RAP1B: variants seen among roughly 807,000 people sequenced by gnomAD.
RAP1B encodes ras-related protein Rap-1b.
A neutral mutation model predicts 27.5 loss-of-function variants in RAP1B; 1 was observed. The observed-to-expected ratio is 0.04, with a 90% CI of 0.01 to 0.17. The LOEUF is 0.17. Among genes scored for constraint, RAP1B ranks in the 10% least tolerant of loss-of-function variants. RAP1B has a pLI of 1.00. For missense variants in RAP1B, 84 were observed against 214.8 expected (o/e 0.39, Z 3.81); for synonymous variants, 75 against 73.1 (o/e 1.03, Z -0.13).
At chr12:68,618,862 T>C (rs531035464) in intron 1 of RAP1B, among the ~76,000 whole-genome samples, 101 of 152,276 alleles carry the variant, frequency 6.6e-4, no homozygotes, top group South Asian at 1.4e-3. Context: ...CTTAAAACAC[T>C]GGCGAGGCCA....
intron 1 of RAP1B, among the ~76,000 whole-genome samples, chr12:68,626,089 G>C (rs949379026): frequency 2.6e-5 from 4 of 152,148 alleles, no homozygotes; most frequent in Admixed American, 1.3e-4. Context: ...TCGGCCTTGT[G>C]TTGAAACAGA....
chr12:68,633,730 C>T (rs1366636709), intron 1 of RAP1B, among the ~76,000 whole-genome samples: 1 of 152,036 alleles, frequency 6.6e-6, no homozygotes, highest in African/African-American at 2.4e-5. Flanking sequence ...ATTAGCCAGG[C>T]ATGGTGGCGT....
chr12:68,650,696 T>G lies in RAP1B; in HGVS notation c.126+228T>G, dbSNP rs7304966. On this transcript the variant is annotated intron_variant, in intron 3 of 7. Coordinates refer to ENST00000250559, the MANE Select transcript of RAP1B (RefSeq NM_001010942.3). Reference sequence around the variant, plus strand: ...TTTTTTGTAATTTGACACATAAACTTTAAAGCAGACCATCCATTTCAAGTA... The same window carrying G: ...TTTTTTGTAATTTGACACATAAACTGTAAAGCAGACCATCCATTTCAAGTA... 8,842 of 285,756 alleles carry G rather than the reference T, an allele frequency of 0.031. 738 individuals are homozygous for G. Among genetic ancestry groups the G allele is most frequent in the African/African-American group, 0.18 (8,206 of 45,154 alleles). The allele number at this position is 285,756 out of a possible 1,614,324, so 17.7% of individuals were successfully genotyped here. A position where few individuals can be genotyped will look rare whatever the true frequency, so the allele number is the denominator to read the frequency against.
At chr12:68,641,101 C>G (rs1872966190) in intron 1 of RAP1B, 2 of 152,216 alleles carry the variant, frequency 1.3e-5, no homozygotes, top group Non-Finnish European at 2.9e-5. Flanking sequence ...AGCCTCGACT[C>G]CTGGGCTCGA....
chr12:68,617,519 T>C (rs1871110381), intron 1 of RAP1B, among the ~76,000 whole-genome samples: 1 of 152,200 alleles, frequency 6.6e-6, no homozygotes, highest in Admixed American at 6.5e-5. Context: ...ATTGGCTGAG[T>C]TCAAATATGT....
Position 68,621,132 on chromosome 12 carries a change from G to A in RAP1B, c.-27+10089G>A, listed in dbSNP as rs77302758. On this transcript the variant is annotated intron_variant, in intron 1 of 7. Coordinates refer to ENST00000250559, the MANE Select transcript of RAP1B (RefSeq NM_001010942.3). ...AAAAAGGTTTAGGGAAGGAATACATGTGAAAATGCTAACTTCAGGGTAGCT... is the reference window on the plus strand; with the variant it reads ...AAAAAGGTTTAGGGAAGGAATACATATGAAAATGCTAACTTCAGGGTAGCT... 1.3e-3 allele frequency among the ~76,000 whole-genome samples: 199 copies of A among 152,298 alleles called. 1 individual carries two copies. Among genetic ancestry groups the A allele is most frequent in the Middle Eastern group, 0.01 (3 of 294 alleles).
At chr12:68,634,384 C>G (rs1872484791) in intron 1 of RAP1B, among the ~76,000 whole-genome samples, 1 of 152,152 alleles carries the variant, frequency 6.6e-6, no homozygotes, top group Non-Finnish European at 1.5e-5. Flanking sequence ...CTGATTCCAA[C>G]CCAGACAATG....
rs1874563043 is a variant in RAP1B at position 68,660,956 on chromosome 12, A to G, written c.*1707A>G. 1 of 152,174 alleles carries G rather than the reference A, an allele frequency of 6.6e-6. No homozygotes were observed. The highest frequency in any genetic ancestry group is 1.5e-5 in the Non-Finnish European group (1 of 68,020). The allele number at this position is 152,174 out of a possible 1,614,324, so 9.4% of individuals were successfully genotyped here. A position where few individuals can be genotyped will look rare whatever the true frequency, so the allele number is the denominator to read the frequency against. On this transcript the variant is annotated 3_prime_UTR_variant, in exon 8 of 8. Coordinates refer to ENST00000250559, the MANE Select transcript of RAP1B (RefSeq NM_001010942.3). ...TGGATTAAGCACTTAGAGAATCGAT[A>G]TTTTTCTTAAATATGCTATAATTGA...
At position 68,663,509 on chromosome 12, in the gene RAP1B, CAG is replaced by C. The variant is rs1874717218; in HGVS notation, c.*4262_*4263del. On this transcript the variant is annotated 3_prime_UTR_variant, in exon 8 of 8. Coordinates refer to ENST00000250559, the MANE Select transcript of RAP1B (RefSeq NM_001010942.3). The stretch of plus-strand genomic sequence containing the variant: ...TACCTGTTGAAACAAGACTACTAAA[CAG>C]ATTAATCAACTAATTCCATAGGCTT... The C allele has an allele frequency of 6.6e-6, 1 of 152,182 alleles. No homozygotes were observed. Among genetic ancestry groups the C allele is most frequent in the Non-Finnish European group, 1.5e-5 (1 of 68,032 alleles). 9.4% of individuals were successfully genotyped at this position (152,182 alleles called of 1,614,324 possible).
rs1874895661 is a variant in RAP1B, at chr12:68,667,261, T to C, written c.*8012T>C. On this transcript the variant is annotated 3_prime_UTR_variant, in exon 8 of 8. Transcript: ENST00000250559. ...GTTTCTGAGACCAAATGGTGGTGTT[T>C]ATAAGATTTTGCTTCTGCACTGAAT... 1 of 152,228 alleles carries C rather than the reference T, an allele frequency of 6.6e-6. No homozygotes were observed. The highest frequency in any genetic ancestry group is 1.5e-5 in the Non-Finnish European group (1 of 68,042). The allele number at this position is 152,228 out of a possible 1,614,324, so 9.4% of individuals were successfully genotyped here. A position where few individuals can be genotyped will look rare whatever the true frequency, so the allele number is the denominator to read the frequency against.
intron 4 of RAP1B, 23 bp downstream of exon 4, chr12:68,652,074 G>T: frequency 1.3e-6 from 2 of 1,559,912 alleles, no homozygotes; most frequent in Non-Finnish European, 1.8e-6. Context: ...AAATACCAAA[G>T]TATATACACC....
intron 1 of RAP1B, among the ~76,000 whole-genome samples, chr12:68,630,608 G>A (rs148457976): frequency 6.8e-4 from 103 of 151,916 alleles, no homozygotes; most frequent in African/African-American, 2.4e-3. Context: ...AGGTCATGAG[G>A]TATTTAACCC....
chr12:68,618,578 T>C (rs1444653605), intron 1 of RAP1B, among the ~76,000 whole-genome samples: 1 of 152,176 alleles, frequency 6.6e-6, no homozygotes, highest in East Asian at 1.9e-4. Context: ...GCAAAACTAT[T>C]TTTATAATAC....
rs528769026 is a variant in RAP1B, at chr12:68,667,304, G to C, written c.*8055G>C. 2.7e-4 allele frequency: 41 copies of C among 152,212 alleles called. No homozygotes were observed. Among genetic ancestry groups the C allele is most frequent in the African/African-American group, 9.6e-4 (40 of 41,540 alleles). 9.4% of individuals were successfully genotyped at this position (152,212 alleles called of 1,614,324 possible). A position where few individuals can be genotyped will look rare whatever the true frequency, so the allele number is the denominator to read the frequency against. On this transcript the variant is annotated 3_prime_UTR_variant, in exon 8 of 8. Coordinates refer to ENST00000250559, the MANE Select transcript of RAP1B (RefSeq NM_001010942.3). ...CACTGAATTCAATGTTTTATTTACT[G>C]CTTGGTTATTTTGTTTTTGTTTTTT...
At chr12:68,639,265 A>T (rs1225419593) in intron 1 of RAP1B, among the ~76,000 whole-genome samples, 1 of 152,214 alleles carries the variant, frequency 6.6e-6, no homozygotes, top group Non-Finnish European at 1.5e-5. Flanking sequence ...TACCTGGCTG[A>T]TGTAAGTCAT....
chr12:68,655,100 C>T (rs2135967627), intron 5 of RAP1B, among the ~76,000 whole-genome samples: 1 of 152,064 alleles, frequency 6.6e-6, no homozygotes, highest in African/African-American at 2.4e-5. Flanking sequence ...CCCCTGAGCT[C>T]AGGAGTTCAA....
chr12:68,650,627 T>C, intron 3 of RAP1B, 159 bp downstream of exon 3: 2 of 647,888 alleles, frequency 3.1e-6, no homozygotes, highest in Non-Finnish European at 4.5e-6. Flanking sequence ...TAGTTACCAG[T>C]TTAAGAGGAT....
At chr12:68,652,331 A>G (rs893768849) in intron 4 of RAP1B, among the ~76,000 whole-genome samples, 2 of 152,108 alleles carry the variant, frequency 1.3e-5, no homozygotes, top group African/African-American at 4.8e-5. Flanking sequence ...CTGTAATCCC[A>G]GCTACTCAGG....
intron 7 of RAP1B, 127 bp from the exon 8 acceptor site, chr12:68,659,153 A>G: frequency 2.5e-6 from 1 of 399,930 alleles, no homozygotes; most frequent in Admixed American, 3.0e-5. Context: ...CACTAATGTA[A>G]TGCCTAGAAC....
Sources: gnomAD v4.1 joint callset for allele counts (sites outside exome capture counted in the v4.1 genomes callset) on GRCh38, gnomAD v4.1.1 for gene constraint, MANE v1.5 for transcripts, NCBI Gene and HGNC (gene_info 2026-07-23, HGNC 2026-07-21) for gene names.